LMCD1: variants seen among roughly 807,000 people sequenced by gnomAD.
LMCD1 encodes LIM and cysteine-rich domains protein 1.
Under a neutral mutation model 42.7 loss-of-function variants are expected in LMCD1, and 32 were observed. The ratio of observed to expected loss-of-function variants is 0.75; its 90% CI spans 0.57 to 1.01. The LOEUF (loss-of-function observed/expected upper bound fraction) is 1.01. LMCD1 is among the 50% of genes least tolerant of loss of function. LMCD1 has a pLI of 0.00. For synonymous variants in LMCD1, 178 were observed against 184.9 expected, an observed-to-expected ratio of 0.96 and a Z score of 0.30; for missense variants, 458 against 483.1, an observed-to-expected ratio of 0.95 and a Z score of 0.49.
At chr3:8,558,935 G>A (rs541375544) in intron 4 of LMCD1, among the ~76,000 whole-genome samples, 2 of 152,292 alleles carry the variant, frequency 1.3e-5, no homozygotes, top group Admixed American at 6.5e-5. Flanking sequence ...ATCAGACACT[G>A]TGGGGAGGTG....
chr3:8,509,909 C>T (rs1291388713), intron 1 of LMCD1, among the ~76,000 whole-genome samples: 3 of 152,180 alleles, frequency 2.0e-5, no homozygotes, highest in African/African-American at 7.2e-5. Context: ...GCTCTTAGGT[C>T]CCACCAGCAG....
chr3:8,557,729 CA>C (rs1208048847), intron 4 of LMCD1, among the ~76,000 whole-genome samples: 1 of 152,202 alleles, frequency 6.6e-6, no homozygotes, highest in African/African-American at 2.4e-5. Flanking sequence ...ATGTTTCTGT[CA>C]CCTAGGGCTG....
intron 1 of LMCD1, among the ~76,000 whole-genome samples, chr3:8,509,613 G>A (rs1404274987): frequency 6.6e-6 from 1 of 152,154 alleles, no homozygotes. Context: ...TTTTTCATAA[G>A]GCAGGAGACA....
At chr3:8,550,299 TTGTTTCTA>T in intron 4 of LMCD1, 1 of 1,008,262 alleles carries the variant, frequency 9.9e-7, no homozygotes, top group South Asian at 4.3e-5. Flanking sequence ...GTGTCTTCAT[TTGTTTCTA>T]TGGCAATTAA....
chr3:8,570,457 G>C lies in LMCD1; in HGVS notation c.*2859G>C, dbSNP rs1559360173. ...TTATCTCCCACAACAGTCCCCATGG[G>C]GCACCACCCAGCACCTGCCCCTGCC... On this transcript the variant is annotated 3_prime_UTR_variant, in exon 6 of 6. Coordinates refer to ENST00000157600, the MANE Select transcript of LMCD1 (RefSeq NM_014583.4). 6.6e-6 allele frequency: 1 copy of C among 152,274 alleles called. No individual in the cohort carries two copies. The highest frequency in any genetic ancestry group is 2.4e-5 in the African/African-American group (1 of 41,394). 9.4% of individuals were successfully genotyped at this position (152,274 alleles called of 1,614,324 possible). A position where few individuals can be genotyped will look rare whatever the true frequency, so the allele number is the denominator to read the frequency against.
At chr3:8,532,938 G>A (rs1486932237) in intron 2 of LMCD1, 113 bp downstream of exon 2, 11 of 863,740 alleles carry the variant, frequency 1.3e-5, no homozygotes, top group Non-Finnish European at 2.1e-5. Flanking sequence ...CGTTGTCAGG[G>A]AAGGATGGCT....
At chr3:8,514,468 A>G (rs1694062655) in intron 1 of LMCD1, among the ~76,000 whole-genome samples, 1 of 152,184 alleles carries the variant, frequency 6.6e-6, no homozygotes, top group East Asian at 1.9e-4. Context: ...CTAAAAAGTT[A>G]AATATATATC....
intron 1 of LMCD1, among the ~76,000 whole-genome samples, chr3:8,524,749 A>G (rs1241112044): frequency 1.3e-5 from 2 of 152,164 alleles, no homozygotes; most frequent in Non-Finnish European, 2.9e-5. Flanking sequence ...CAGTGGCACG[A>G]TCACAGGTCA....
chr3:8,548,886 T>A lies in LMCD1; in HGVS notation c.706T>A (p.Ser236Thr), dbSNP rs1481636682. The change falls in exon 4 of 6, where the codon TCC becomes ACC. Residue 236 changes from serine (S) to threonine (T), a missense_variant. By Grantham distance (58) the Ser-to-Thr change is moderately conservative. Coordinates refer to ENST00000157600, the MANE Select transcript of LMCD1 (RefSeq NM_014583.4). ...CACCAACGGCAGTCTCAGTGACCCGTCCAAAGAAGTGGAATACGTAAGTTT... is the reference window on the plus strand; with the variant it reads ...CACCAACGGCAGTCTCAGTGACCCGACCAAAGAAGTGGAATACGTAAGTTT... ...ATTNGSLSDP[S>T]KEVEYVCELC... The A allele has an allele frequency of 6.5e-7, 1 of 1,530,592 alleles. No homozygotes were observed. Among genetic ancestry groups the A allele is most frequent in the African/African-American group, 1.4e-5 (1 of 72,934 alleles). 94.8% of individuals were successfully genotyped at this position (1,530,592 alleles called of 1,614,324 possible).
chr3:8,513,102 G>T (rs1485030663), intron 1 of LMCD1, among the ~76,000 whole-genome samples: 2 of 152,076 alleles, frequency 1.3e-5, no homozygotes, highest in Non-Finnish European at 2.9e-5. Context: ...TTGTTATTTT[G>T]AGCTAAAATT....
At chr3:8,565,847 G>C (rs1965215) in intron 5 of LMCD1, among the ~76,000 whole-genome samples, 200 bp downstream of exon 5, 68,417 of 152,068 alleles carry the variant, frequency 0.45, 15,509 homozygotes, top group African/African-American at 0.52. Flanking sequence ...GTTGGGAGGG[G>C]TCAGACACAG....
chr3:8,571,914 A>G lies in LMCD1; in HGVS notation c.*4316A>G, dbSNP rs988066246. On this transcript the variant is annotated 3_prime_UTR_variant, in exon 6 of 6. Transcript: ENST00000157600. ...GTGTGTAATTCCTACAAATAAGGAC[A>G]TTCTCCCACATAGCCACAATACAAC... 1 of 152,238 alleles carries G rather than the reference A, an allele frequency of 6.6e-6. No individual in the cohort carries two copies. The highest frequency in any genetic ancestry group is 2.4e-5 in the African/African-American group (1 of 41,462). The allele number at this position is 152,238 out of a possible 1,614,324, so 9.4% of individuals were successfully genotyped here.
chr3:8,557,945 A>AC (rs1020526928), intron 4 of LMCD1, among the ~76,000 whole-genome samples: 11 of 151,848 alleles, frequency 7.2e-5, no homozygotes, highest in African/African-American at 2.4e-4. Context: ...CACAGCAGGG[A>AC]CCCTCCATTG....
At position 8,572,076 on chromosome 3, in the gene LMCD1, T is replaced by C. The variant is rs1429155994; in HGVS notation, c.*4478T>C. 6.6e-6 allele frequency: 1 copy of C among 152,254 alleles called. No homozygotes were observed. Among genetic ancestry groups the C allele is most frequent in the Non-Finnish European group, 1.5e-5 (1 of 68,038 alleles). The allele number at this position is 152,254 out of a possible 1,614,324, so 9.4% of individuals were successfully genotyped here. On this transcript the variant is annotated 3_prime_UTR_variant, in exon 6 of 6. Coordinates refer to ENST00000157600, the MANE Select transcript of LMCD1 (RefSeq NM_014583.4). The stretch of plus-strand genomic sequence containing the variant: ...TAAGATCACTCATTCTATTTAGTTA[T>C]CTTGTCTATTCTTCAATTTGGAAGT...
intron 1 of LMCD1, among the ~76,000 whole-genome samples, chr3:8,521,623 CTCTT>C (rs1487307890): frequency 6.6e-6 from 1 of 152,152 alleles, no homozygotes; most frequent in African/African-American, 2.4e-5. Context: ...GTCTTATCAC[CTCTT>C]TGTCTATTTT....
At chr3:8,528,716 C>T (rs915357162) in intron 1 of LMCD1, among the ~76,000 whole-genome samples, 1 of 152,118 alleles carries the variant, frequency 6.6e-6, no homozygotes, top group Non-Finnish European at 1.5e-5. Context: ...TGCATTTTCT[C>T]TTTTACATTC....
chr3:8,508,248 G>T (rs1385465471), intron 1 of LMCD1, among the ~76,000 whole-genome samples: 1 of 152,122 alleles, frequency 6.6e-6, no homozygotes, highest in Admixed American at 6.5e-5. Context: ...CTTGACATGT[G>T]CATTTCTACA....
chr3:8,548,666 C>T lies in LMCD1; in HGVS notation c.486C>T (p.Pro162=). The change falls in exon 4 of 6, where the codon CCC becomes CCT. Residue 162 remains proline, a synonymous_variant. Coordinates refer to ENST00000157600, the MANE Select transcript of LMCD1 (RefSeq NM_014583.4). ...GCCGCCAGCTCATGCACCAGCTCCCCATCTATGACCAGGATCCCTCGCGCT... is the reference window on the plus strand; with the variant it reads ...GCCGCCAGCTCATGCACCAGCTCCCTATCTATGACCAGGATCCCTCGCGCT... ...YRRRQLMHQL[P]IYDQDPSRCR... The T allele has an allele frequency of 6.2e-7, 1 of 1,614,210 alleles. No homozygotes were observed. The highest frequency in any genetic ancestry group is 8.5e-7 in the Non-Finnish European group (1 of 1,180,048).
At chr3:8,529,241 A>G (rs969396734) in intron 1 of LMCD1, among the ~76,000 whole-genome samples, 2 of 152,198 alleles carry the variant, frequency 1.3e-5, no homozygotes, top group South Asian at 4.1e-4. Context: ...TTCTGGATGA[A>G]TGGCATGCAG....
Sources: allele counts gnomAD v4.1 joint callset (sites outside exome capture counted in the v4.1 genomes callset), GRCh38; gene constraint gnomAD v4.1.1; transcripts MANE v1.5; gene names NCBI Gene and HGNC (gene_info 2026-07-23, HGNC 2026-07-21).